LINGO2: variants seen among roughly 807,000 people sequenced by gnomAD.
LINGO2 encodes the protein leucine-rich repeat and immunoglobulin-like domain-containing nogo receptor-interacting protein 2.
LINGO2 carries 14 observed loss-of-function variants against 30.6 expected under a neutral mutation model. The observed-to-expected ratio is 0.46, with a 90% CI of 0.30 to 0.72. The LOEUF (loss-of-function observed/expected upper bound fraction) is 0.72. Among genes scored for constraint, LINGO2 ranks in the 30% least tolerant of loss-of-function variants. The pLI, the probability that LINGO2 is intolerant of heterozygous loss-of-function variation, is 0.07. For missense variants in LINGO2, 729 were observed against 751.7 expected, an observed-to-expected ratio of 0.97 and a Z score of 0.35; for synonymous variants, 317 against 288.5, an observed-to-expected ratio of 1.10 and a Z score of -1.00.
intron 1 of LINGO2, among the ~76,000 whole-genome samples, chr9:28,600,888 C>G (rs144919518): frequency 3.0e-4 from 46 of 152,192 alleles, no homozygotes; most frequent in African/African-American, 1.0e-3. Flanking sequence ...GATACCATGA[C>G]CTTGGCCACA....
intron 2 of LINGO2, among the ~76,000 whole-genome samples, chr9:28,374,301 T>G (rs953463703): frequency 6.6e-6 from 1 of 151,056 alleles, no homozygotes; most frequent in Non-Finnish European, 1.5e-5. Flanking sequence ...AACCTTTTAA[T>G]AAGAGGTTGA....
intron 3 of LINGO2, among the ~76,000 whole-genome samples, chr9:28,337,276 C>T (rs1029990000): frequency 7.3e-5 from 11 of 151,376 alleles, no homozygotes; most frequent in African/African-American, 2.2e-4. Context: ...GTAGGAAAAA[C>T]GACCCTCCAA....
chr9:29,003,561 G>C, the LINGO2 span, among the ~76,000 whole-genome samples: 1 of 151,980 alleles, frequency 6.6e-6, no homozygotes, highest in Non-Finnish European at 1.5e-5. Context: ...CAAAGAAGCT[G>C]AGTTTCTCCC....
At chr9:29,074,678 CTTTT>C in the LINGO2 span, among the ~76,000 whole-genome samples, 26 of 88,022 alleles carry the variant, frequency 3.0e-4, no homozygotes, top group East Asian at 1.7e-3. Context: ...AAATTACTTA[CTTTT>C]TTTTTTTTTT....
chr9:28,778,321 T>C, the LINGO2 span, among the ~76,000 whole-genome samples: 2 of 152,218 alleles, frequency 1.3e-5, no homozygotes, highest in Non-Finnish European at 2.9e-5. Context: ...AAATAATTTA[T>C]GTGATTTTTT....
chr9:28,190,325 T>C (rs577594961), intron 4 of LINGO2, among the ~76,000 whole-genome samples: 14 of 152,302 alleles, frequency 9.2e-5, no homozygotes, highest in Non-Finnish European at 1.8e-4. Flanking sequence ...TTACTACCTC[T>C]CCAGTATGCT....
rs141962914 is a variant in LINGO2 at position 28,094,298 on chromosome 9, C to T, written c.-86-81893G>A. Among the ~76,000 whole-genome samples, 17 of 152,176 alleles carry T rather than the reference C, an allele frequency of 1.1e-4. No individual in the cohort carries two copies. In the East Asian group the frequency reaches 3.3e-3, roughly 29 times the overall value. On this transcript the variant is annotated intron_variant, in intron 4 of 5. Coordinates refer to ENST00000379992, the Ensembl canonical transcript of LINGO2. ...TCAAATGAATACCTTTCTGCTGTTG[C>T]TTGTATTTCAGCAAGCTATAGCAAG...
chr9:28,331,725 C>T (rs72709397), intron 3 of LINGO2, among the ~76,000 whole-genome samples: 1 of 152,212 alleles, frequency 6.6e-6, no homozygotes, highest in Non-Finnish European at 1.5e-5. Context: ...AGCCTGGCCT[C>T]GGACTCTCCG....
At chr9:29,092,868 A>T in the LINGO2 span, among the ~76,000 whole-genome samples, 3 of 136,492 alleles carry the variant, frequency 2.2e-5, 1 homozygote, top group Admixed American at 1.5e-4. Flanking sequence ...GTCTTTAAAA[A>T]CAAACTTGAA....
intron 4 of LINGO2, among the ~76,000 whole-genome samples, chr9:28,041,849 C>T (rs190588515): frequency 9.9e-5 from 15 of 152,174 alleles, no homozygotes; most frequent in Middle Eastern, 3.4e-3. Flanking sequence ...TTATAAACTC[C>T]GTAGTACCTG....
chr9:28,418,050 G>C (rs1049273305), intron 2 of LINGO2, among the ~76,000 whole-genome samples: 1 of 152,146 alleles, frequency 6.6e-6, no homozygotes, highest in Non-Finnish European at 1.5e-5. Flanking sequence ...AAGTCTAAGA[G>C]AGGTTCCATT....
chr9:28,627,270 T>C (rs989268781), intron 1 of LINGO2, among the ~76,000 whole-genome samples: 9 of 152,064 alleles, frequency 5.9e-5, no homozygotes, highest in Non-Finnish European at 1.0e-4. Context: ...CGTTTTAATG[T>C]TGAGCAGACT....
intron 1 of LINGO2, among the ~76,000 whole-genome samples, chr9:28,669,463 T>C (rs1486487884): frequency 6.6e-6 from 1 of 152,096 alleles, no homozygotes; most frequent in Admixed American, 6.5e-5. Flanking sequence ...ACCACTGGAC[T>C]TCTTTGTTTT....
chr9:28,086,998 A>C (rs553911265), intron 4 of LINGO2, among the ~76,000 whole-genome samples: 1 of 152,258 alleles, frequency 6.6e-6, no homozygotes, highest in African/African-American at 2.4e-5. Context: ...CTTGTGTGAC[A>C]ATGTGCCAGT....
chr9:27,993,718 TA>T (rs34289122), intron 5 of LINGO2, among the ~76,000 whole-genome samples: 1 of 152,152 alleles, frequency 6.6e-6, no homozygotes, highest in Non-Finnish European at 1.5e-5. Context: ...TTCACTACTT[TA>T]ATTATAATTG....
chr9:28,010,663 T>C (rs1401418234), intron 5 of LINGO2, among the ~76,000 whole-genome samples: 1 of 152,170 alleles, frequency 6.6e-6, no homozygotes, highest in Admixed American at 6.5e-5. Flanking sequence ...TTAAAATCAA[T>C]CAAGGCTGGA....
At chr9:28,057,530 T>TATAC (rs1824982708) in intron 4 of LINGO2, among the ~76,000 whole-genome samples, 2 of 145,088 alleles carry the variant, frequency 1.4e-5, no homozygotes, top group African/African-American at 2.5e-5. Context: ...TGTATATATA[T>TATAC]ACACACACAC....
intron 3 of LINGO2, among the ~76,000 whole-genome samples, chr9:28,338,854 CA>C (rs1751009022): frequency 6.6e-6 from 1 of 152,042 alleles, no homozygotes; most frequent in Non-Finnish European, 1.5e-5. Context: ...ATAAATTACC[CA>C]GTCTAGGGTA....
At chr9:29,167,007 G>A in the LINGO2 span, among the ~76,000 whole-genome samples, 10 of 152,008 alleles carry the variant, frequency 6.6e-5, no homozygotes, top group East Asian at 1.9e-4. Flanking sequence ...CTAAATTAGC[G>A]AAATTTTTAT....
Sources: allele counts gnomAD v4.1 joint callset (sites outside exome capture counted in the v4.1 genomes callset), GRCh38; gene constraint gnomAD v4.1.1; transcripts MANE v1.5; gene names NCBI Gene and HGNC (gene_info 2026-07-23, HGNC 2026-07-21).